Variants in DGKI observed in about 807,000 individuals in gnomAD.
The protein encoded by DGKI is DAG kinase iota.
In DGKI, 55 loss-of-function variants were observed where a neutral mutation model predicts 147.5. The ratio of observed to expected loss-of-function variants is 0.37; its 90% CI spans 0.30 to 0.47. The LOEUF (loss-of-function observed/expected upper bound fraction) is 0.47. Ranked by LOEUF, DGKI falls within the 20% of genes least tolerant of loss-of-function variation. DGKI has a pLI of 1.00. For synonymous variants in DGKI, 469 were observed against 477.1 expected (o/e 0.98, Z 0.22); for missense variants, 1,007 against 1,323.8 (o/e 0.76, Z 3.71).
intron 29 of DGKI, among the ~76,000 whole-genome samples, chr7:137,409,259 G>T (rs1812075348): frequency 6.6e-6 from 1 of 152,084 alleles, no homozygotes; most frequent in South Asian, 2.1e-4. Flanking sequence ...CTTAAAAAAA[G>T]AACCTAAATT....
intron 20 of DGKI, among the ~76,000 whole-genome samples, chr7:137,552,034 A>T (rs1002952799): frequency 6.6e-6 from 1 of 152,190 alleles, no homozygotes; most frequent in African/African-American, 2.4e-5. Context: ...AAAACAAAAC[A>T]AACAAAAACG....
chr7:137,490,452 C>T (rs10480523), intron 21 of DGKI, among the ~76,000 whole-genome samples: 33,508 of 152,096 alleles, frequency 0.22, 6,814 homozygotes, highest in African/African-American at 0.55. Flanking sequence ...AGCCAGAAAA[C>T]AGACATACCC....
At chr7:137,624,030 T>C (rs955441142) in intron 6 of DGKI, among the ~76,000 whole-genome samples, 1 of 151,822 alleles carries the variant, frequency 6.6e-6, no homozygotes, top group Non-Finnish European at 1.5e-5. Context: ...CTGGGAGAAG[T>C]CCAACGGTGT....
chr7:137,571,175 C>T lies in DGKI; in HGVS notation c.1947G>A (p.Leu649=), dbSNP rs1240668285. 1 of 1,598,042 alleles carries T rather than the reference C, an allele frequency of 6.3e-7. No individual in the cohort carries two copies. ...IEVIGFTMAS[L]AALQVGGHGE... ...TTAATAAAACAGTTATATTGCTCAC[C>T]AAAGAGGCCATGGTAAATCCAATGA... is the stretch of plus-strand genomic sequence containing the variant. Residue 649 remains leucine (L), a splice_region_variant and synonymous_variant, in exon 19 of 33, where the codon TTG becomes TTA. Transcript: ENST00000614521.
At chr7:137,595,998 T>C in intron 12 of DGKI, among the ~76,000 whole-genome samples, 1 of 43,092 alleles carries the variant, frequency 2.3e-5, no homozygotes, top group Non-Finnish European at 3.8e-5. Context: ...TGAGACTCCG[T>C]CTCAAAAAAA....
intron 1 of DGKI, among the ~76,000 whole-genome samples, chr7:137,700,730 T>C (rs1823948081): frequency 6.6e-6 from 1 of 151,926 alleles, no homozygotes; most frequent in Non-Finnish European, 1.5e-5. Context: ...ATACAAAAAC[T>C]AGCCAGGCAT....
At chr7:137,502,449 A>G (rs1816209345) in intron 21 of DGKI, among the ~76,000 whole-genome samples, 1 of 152,056 alleles carries the variant, frequency 6.6e-6, no homozygotes. Context: ...CATGAAAATG[A>G]TAATACTGAT....
intron 3 of DGKI, among the ~76,000 whole-genome samples, chr7:137,674,365 C>A (rs530606606): frequency 6.6e-5 from 10 of 152,202 alleles, no homozygotes; most frequent in African/African-American, 2.2e-4. Context: ...AATATCAGTC[C>A]CCAAATATCA....
At chr7:137,666,354 G>A (rs1277396630) in intron 3 of DGKI, among the ~76,000 whole-genome samples, 1 of 152,144 alleles carries the variant, frequency 6.6e-6, no homozygotes, top group Middle Eastern at 3.2e-3. Context: ...AGTGAGCCAG[G>A]ATCACATCGC....
chr7:137,415,496 C>T (rs1436029914), intron 28 of DGKI, among the ~76,000 whole-genome samples: 1 of 152,090 alleles, frequency 6.6e-6, no homozygotes, highest in African/African-American at 2.4e-5. Flanking sequence ...ACTAATCCCC[C>T]ACAGATACTG....
chr7:137,552,649 C>T, intron 19 of DGKI, 81 bp from the exon 20 acceptor site: 1 of 1,464,608 alleles, frequency 6.8e-7, no homozygotes, highest in Non-Finnish European at 9.3e-7. Flanking sequence ...TGGCTCATGC[C>T]TGTAATCCCA....
intron 22 of DGKI, among the ~76,000 whole-genome samples, chr7:137,486,923 AT>A (rs1024427386): frequency 1.4e-4 from 22 of 152,144 alleles, no homozygotes; most frequent in Non-Finnish European, 1.5e-5. Flanking sequence ...AAAAAAAATG[AT>A]AAAGAAATCG....
chr7:137,478,958 A>G (rs1467345229), intron 23 of DGKI, among the ~76,000 whole-genome samples: 1 of 152,240 alleles, frequency 6.6e-6, no homozygotes, highest in Non-Finnish European at 1.5e-5. Context: ...GACAGTAGAT[A>G]CTGAAGCAAT....
At chr7:137,757,651 C>T (rs1275655360) in intron 1 of DGKI, among the ~76,000 whole-genome samples, 3 of 152,162 alleles carry the variant, frequency 2.0e-5, no homozygotes, top group African/African-American at 4.8e-5. Context: ...TCCACCTCTA[C>T]TTCCTATTAG....
intron 1 of DGKI, among the ~76,000 whole-genome samples, chr7:137,736,253 A>G (rs766374541): frequency 1.8e-4 from 27 of 152,124 alleles, no homozygotes; most frequent in Non-Finnish European, 3.2e-4. Context: ...TGCTGGAAAC[A>G]TCAGTAAACC....
intron 19 of DGKI, among the ~76,000 whole-genome samples, chr7:137,557,732 C>T (rs1025337030): frequency 6.6e-5 from 10 of 152,152 alleles, no homozygotes; most frequent in African/African-American, 2.4e-4. Flanking sequence ...CCCTGTGGCT[C>T]CAACTCAGAC....
intron 26 of DGKI, among the ~76,000 whole-genome samples, chr7:137,464,278 A>T (rs923822914): frequency 6.7e-6 from 1 of 149,836 alleles, no homozygotes. Context: ...AAAAAAAAAA[A>T]GGAAAAGAAA....
At chr7:137,404,624 G>A (rs1811874726) in intron 30 of DGKI, among the ~76,000 whole-genome samples, 1 of 152,180 alleles carries the variant, frequency 6.6e-6, no homozygotes, top group Non-Finnish European at 1.5e-5. Context: ...GGTATAGGAT[G>A]CCTTCTGAGA....
intron 19 of DGKI, among the ~76,000 whole-genome samples, chr7:137,565,413 A>C (rs1818551723): frequency 6.6e-6 from 1 of 152,204 alleles, no homozygotes; most frequent in Admixed American, 6.5e-5. Context: ...CAAAATAAGC[A>C]TACATTTAAT....
Sources: gnomAD v4.1 joint callset for allele counts (sites outside exome capture counted in the v4.1 genomes callset) on GRCh38, gnomAD v4.1.1 for gene constraint, MANE v1.5 for transcripts, NCBI Gene and HGNC (gene_info 2026-07-23, HGNC 2026-07-21) for gene names.